The following CNKSR2 variants were observed in gnomAD, a reference collection of about 807,000 sequenced individuals.
CNKSR2 encodes CNK homolog protein 2.
Under a neutral mutation model 84.4 loss-of-function variants are expected in CNKSR2, and 14 were observed. The observed-to-expected ratio is 0.17, with a 90% CI of 0.11 to 0.26. CNKSR2 has a LOEUF of 0.26. Among genes scored for constraint, CNKSR2 ranks in the 10% least tolerant of loss-of-function variants. CNKSR2 has a pLI of 1.00. For synonymous variants in CNKSR2, 275 were observed against 277.9 expected, an observed-to-expected ratio of 0.99 and a Z score of 0.10; for missense variants, 485 against 771.2, an observed-to-expected ratio of 0.63 and a Z score of 4.40.
chrX:21,400,933 C>T (rs2090183086), intron 1 of CNKSR2, among the ~76,000 whole-genome samples: 1 of 111,363 alleles, frequency 9.0e-6, no homozygotes, highest in African/African-American at 3.2e-5. Context: ...TTTTATGTTT[C>T]AATGACTCCT....
intron 4 of CNKSR2, among the ~76,000 whole-genome samples, chrX:21,457,399 G>T (rs2091007932): frequency 9.0e-6 from 1 of 111,165 alleles, no homozygotes; most frequent in African/African-American, 3.3e-5. Flanking sequence ...GATGGTCTGT[G>T]CATATTTTTC....
At chrX:21,582,844 C>A (rs1236213539) in intron 13 of CNKSR2, among the ~76,000 whole-genome samples, 2 of 111,246 alleles carry the variant, frequency 1.8e-5, no homozygotes, top group Non-Finnish European at 3.8e-5. Flanking sequence ...TCCCTTCTTC[C>A]TACATTACCA....
chrX:21,491,827 T>C (rs2091445644), intron 6 of CNKSR2: 1 of 112,049 alleles, frequency 8.9e-6, no homozygotes, highest in Non-Finnish European at 1.9e-5. Flanking sequence ...CACTTCAATC[T>C]ATAGCAATAA....
At chrX:21,594,893 A>G (rs1399371258) in intron 15 of CNKSR2, 81 bp from the exon 16 acceptor site, 17 of 717,141 alleles carry the variant, frequency 2.4e-5, no homozygotes, top group Non-Finnish European at 3.6e-5. Context: ...ATTAGTACAG[A>G]TATCTAAGCC....
intron 12 of CNKSR2, among the ~76,000 whole-genome samples, chrX:21,562,217 G>A (rs966100035): frequency 9.0e-6 from 1 of 110,793 alleles, no homozygotes; most frequent in Non-Finnish European, 1.9e-5. Flanking sequence ...TCAAGTGTGG[G>A]TATGGTGGGC....
At chrX:21,563,151 C>A in intron 12 of CNKSR2, 87 bp from the exon 13 acceptor site, 3 of 735,667 alleles carry the variant, frequency 4.1e-6, no homozygotes, top group Non-Finnish European at 5.8e-6. Context: ...ATTACTTTTG[C>A]GCCAACCTAA....
At chrX:21,587,959 C>G (rs924590126) in intron 13 of CNKSR2, among the ~76,000 whole-genome samples, 3 of 111,444 alleles carry the variant, frequency 2.7e-5, no homozygotes, top group African/African-American at 9.8e-5. Flanking sequence ...AAAAAAGACA[C>G]CTGTGGAATC....
intron 16 of CNKSR2, 129 bp from the exon 17 acceptor site, chrX:21,595,195 C>T: frequency 1.5e-6 from 1 of 651,229 alleles, no homozygotes; most frequent in African/African-American, 2.2e-5. Context: ...TTACTGATTT[C>T]TGTCACCATG....
intron 1 of CNKSR2, among the ~76,000 whole-genome samples, chrX:21,405,585 A>G (rs2090252654): frequency 9.0e-6 from 1 of 111,342 alleles, no homozygotes; most frequent in African/African-American, 3.3e-5. Flanking sequence ...TGGTATTTCT[A>G]AGTAAATAAT....
At chrX:21,385,592 T>C (rs1019593790) in intron 1 of CNKSR2, among the ~76,000 whole-genome samples, 1 of 111,912 alleles carries the variant, frequency 8.9e-6, no homozygotes, top group African/African-American at 3.2e-5. Context: ...CTTAGAGAGA[T>C]TTTTACTTAG....
At chrX:21,521,772 T>A (rs190036179) in intron 9 of CNKSR2, among the ~76,000 whole-genome samples, 8 of 110,614 alleles carry the variant, frequency 7.2e-5, no homozygotes, top group African/African-American at 2.6e-4. Flanking sequence ...ATCAAATCTG[T>A]GGTCAGAAAA....
At chrX:21,426,763 GA>G (rs1272297423) in intron 2 of CNKSR2, 103 bp downstream of exon 2, 24 of 911,289 alleles carry the variant, frequency 2.6e-5, no homozygotes, top group South Asian at 7.5e-5. Context: ...GCAAATAGAA[GA>G]AAAAAACTCT....
At chrX:21,497,196 C>T (rs1327207450) in intron 6 of CNKSR2, among the ~76,000 whole-genome samples, 1 of 111,021 alleles carries the variant, frequency 9.0e-6, no homozygotes, top group Non-Finnish European at 1.9e-5. Context: ...TACAGATACA[C>T]ACTACCTTTT....
chrX:21,408,580 A>G (rs1665783272), intron 1 of CNKSR2, among the ~76,000 whole-genome samples: 1 of 110,828 alleles, frequency 9.0e-6, no homozygotes, highest in Non-Finnish European at 1.9e-5. Flanking sequence ...CTTTGCCCTT[A>G]TCTAACCTCC....
intron 11 of CNKSR2, among the ~76,000 whole-genome samples, chrX:21,550,895 G>A (rs1343732734): frequency 2.7e-5 from 3 of 109,953 alleles, no homozygotes; most frequent in Non-Finnish European, 5.7e-5. Context: ...AATTAGCCAG[G>A]TGTGGCAGGA....
intron 4 of CNKSR2, among the ~76,000 whole-genome samples, chrX:21,456,832 A>G (rs2091001008): frequency 8.9e-6 from 1 of 111,880 alleles, no homozygotes; most frequent in African/African-American, 3.2e-5. Flanking sequence ...CGTTTCCACC[A>G]ACAGCAGACA....
In CNKSR2 at chrX:21,389,818, A is replaced by T. The variant is rs1216834817; in HGVS notation, c.64+14857A>T. 4.4e-5 allele frequency among the ~76,000 whole-genome samples: 5 copies of T among 112,854 alleles called. No individual in the cohort carries two copies. In the Admixed American group the frequency reaches 4.7e-4, roughly 11 times the overall value. ...AGTTTTCCACGTGTGAACATTTTTTAAATTTTATGAATACATATTGTTGTG... is the reference window on the plus strand; with the variant it reads ...AGTTTTCCACGTGTGAACATTTTTTTAATTTTATGAATACATATTGTTGTG... On this transcript the variant is annotated intron_variant, in intron 1 of 21. Transcript: ENST00000379510.
intron 11 of CNKSR2, among the ~76,000 whole-genome samples, chrX:21,552,342 C>G (rs1272914299): frequency 8.9e-6 from 1 of 111,864 alleles, no homozygotes; most frequent in African/African-American, 3.2e-5. Context: ...CATACTACAT[C>G]TTTGAAAGTT....
chrX:21,417,968 T>G (rs755304758), intron 1 of CNKSR2, among the ~76,000 whole-genome samples: 4 of 111,707 alleles, frequency 3.6e-5, no homozygotes, highest in Non-Finnish European at 5.7e-5. Context: ...CTGGTTGTTT[T>G]ATGGTCTCTT....
Sources: allele counts gnomAD v4.1 joint callset (sites outside exome capture counted in the v4.1 genomes callset), GRCh38; gene constraint gnomAD v4.1.1; transcripts MANE v1.5; gene names NCBI Gene and HGNC (gene_info 2026-07-23, HGNC 2026-07-21).